Variants in GREB1L observed in about 807,000 individuals in gnomAD.
GREB1L encodes GREB1 like retinoic acid receptor coactivator, also known as GREB1-like protein.
Under a neutral mutation model 200.8 loss-of-function variants are expected in GREB1L, and 17 were observed. The observed-to-expected ratio is 0.08, with a 90% CI of 0.06 to 0.13. GREB1L has a LOEUF of 0.13. GREB1L is among the 10% of genes least tolerant of loss of function. The pLI is 1.00. For missense variants in GREB1L, 1,657 were observed against 2,367.7 expected, an observed-to-expected ratio of 0.70 and a Z score of 6.23; for synonymous variants, 789 against 893.0, an observed-to-expected ratio of 0.88 and a Z score of 2.08.
Position 21,441,522 on chromosome 18 carries a change from C to T in GREB1L, c.1192C>T (p.Pro398Ser), listed in dbSNP as rs2033899979. The T allele has an allele frequency of 6.4e-7, 1 of 1,550,410 alleles. No homozygotes were observed. The highest frequency in any genetic ancestry group is 8.7e-7 in the Non-Finnish European group (1 of 1,146,474). The stretch of plus-strand genomic sequence containing the variant: ...CCTGCTGAGTAACTCAGGAGTTAGA[C>T]CAGTAATTCTGATAGGTAAGGTAAT... ...ENLLSNSGVR[P>S]VILIGYGTLP... Residue 398 changes from proline to serine, a missense_variant, in exon 10 of 33, where the codon CCA becomes TCA. This residue lies in a region of GREB1L where 289 missense variants were observed against 345.1 expected (regional missense o/e 0.84). Coordinates refer to ENST00000424526, the MANE Select transcript of GREB1L (RefSeq NM_001142966.3).
chr18:21,298,483 A>G (rs1284715269), intron 1 of GREB1L, among the ~76,000 whole-genome samples: 2 of 152,222 alleles, frequency 1.3e-5, no homozygotes, highest in African/African-American at 2.4e-5. Flanking sequence ...GACGTGGACC[A>G]TATCTTATTC....
chr18:21,317,382 C>G (rs2038887867), intron 1 of GREB1L: 1 of 152,164 alleles, frequency 6.6e-6, no homozygotes, highest in African/African-American at 2.4e-5. Context: ...GGGTAGATTA[C>G]TTGAGCCCAG....
At chr18:21,522,271 G>C (rs1036960517) in intron 32 of GREB1L, among the ~76,000 whole-genome samples, 2 of 151,872 alleles carry the variant, frequency 1.3e-5, no homozygotes, top group Non-Finnish European at 2.9e-5. Context: ...AGGAGATCGA[G>C]ACCATCCTGG....
At position 21,500,273 on chromosome 18, in the gene GREB1L, C is replaced by T. The variant is rs1305245247; in HGVS notation, c.3936C>T (p.His1312=). The change falls in exon 22 of 33, where the codon CAC becomes CAT. Residue 1312 remains histidine (H), a synonymous_variant. Transcript: ENST00000424526. ...LDPASGTRNF[H]PRRLLLTGPP... is the part of the protein sequence containing the mutation. ...CGGCCTCTGGCACCCGAAACTTCCA[C>T]CCCCGACGGCTCCTGCTGACAGGGC... 7.1e-6 allele frequency: 10 copies of T among 1,414,010 alleles called. No homozygotes were observed. The highest frequency in any genetic ancestry group is 2.0e-5 in the Admixed American group (1 of 50,794). 87.6% of individuals were successfully genotyped at this position (1,414,010 alleles called of 1,614,324 possible).
intron 4 of GREB1L, among the ~76,000 whole-genome samples, chr18:21,391,154 T>A (rs534456881): frequency 5.3e-5 from 8 of 152,358 alleles, no homozygotes; most frequent in South Asian, 4.1e-4. Flanking sequence ...ACTCACTGAC[T>A]CACCCAGAGC....
rs188153127 is a variant in GREB1L at position 21,416,906 on chromosome 18, A to C, written c.832+12912A>C. 4.6e-5 allele frequency among the ~76,000 whole-genome samples: 7 copies of C among 150,676 alleles called. No individual in the cohort carries two copies. The East Asian group carries it at 1.2e-3, about 26-fold the overall frequency. On this transcript the variant is annotated intron_variant, in intron 7 of 32. Coordinates refer to ENST00000424526, the MANE Select transcript of GREB1L (RefSeq NM_001142966.3). ...GCCAGGTGTGTTGGCAGGCATCTGT[A>C]ATCCCAGCTACTTGGGAGGCTGAGG... is the stretch of plus-strand genomic sequence containing the variant.
intron 1 of GREB1L, among the ~76,000 whole-genome samples, chr18:21,346,102 A>G (rs1193504605): frequency 6.6e-6 from 1 of 152,094 alleles, no homozygotes; most frequent in African/African-American, 2.4e-5. Context: ...GCTACTGACA[A>G]TAGGGGTGGA....
chr18:21,341,040 G>T (rs1037577742), intron 1 of GREB1L, among the ~76,000 whole-genome samples: 1 of 152,102 alleles, frequency 6.6e-6, no homozygotes, highest in African/African-American at 2.4e-5. Context: ...CAGATAACTA[G>T]CCTCAAGCTA....
chr18:21,516,456 A>G (rs2037421103), intron 29 of GREB1L, among the ~76,000 whole-genome samples, 157 bp from the exon 30 acceptor site: 1 of 152,136 alleles, frequency 6.6e-6, no homozygotes, highest in South Asian at 2.1e-4. Flanking sequence ...CCCAAATCAG[A>G]GTTTTTCCAG....
chr18:21,290,637 A>G (rs939270846), intron 1 of GREB1L, among the ~76,000 whole-genome samples: 3 of 152,160 alleles, frequency 2.0e-5, no homozygotes, highest in African/African-American at 7.2e-5. Context: ...AGCCTGGCCA[A>G]CATGGCGAAG....
chr18:21,266,090 C>G (rs1269418137), intron 1 of GREB1L, among the ~76,000 whole-genome samples: 3 of 152,176 alleles, frequency 2.0e-5, no homozygotes, highest in African/African-American at 7.2e-5. Flanking sequence ...TTTATCTTTT[C>G]TCATCTCTAC....
chr18:21,521,204 A>G (rs1272640694), intron 32 of GREB1L, among the ~76,000 whole-genome samples: 6 of 151,946 alleles, frequency 3.9e-5, no homozygotes, highest in Non-Finnish European at 5.9e-5. Flanking sequence ...CTCAAAAAAA[A>G]AGTAAATAAA....
chr18:21,301,770 C>T (rs868499292), intron 1 of GREB1L, among the ~76,000 whole-genome samples: 7 of 152,144 alleles, frequency 4.6e-5, no homozygotes, highest in African/African-American at 1.7e-4. Context: ...ATAAGAATCA[C>T]TAATCTTGAA....
chr18:21,311,593 A>G (rs1429140713), intron 1 of GREB1L, among the ~76,000 whole-genome samples: 4 of 152,176 alleles, frequency 2.6e-5, no homozygotes, highest in South Asian at 2.1e-4. Flanking sequence ...CTCCAGGTAC[A>G]TGTGCTGCTC....
Position 21,522,796 on chromosome 18 carries a change from A to G in GREB1L, c.5747A>G (p.Tyr1916Cys), listed in dbSNP as rs2037626465. The change falls in exon 33 of 33, where the codon TAC (tyrosine) becomes TGC (cysteine). Residue 1916 changes from tyrosine to cysteine, a missense_variant. Transcript: ENST00000424526. ...AACAGCAGTGATGACAAGCCTCTCT[A>G]CTTTCTTACTGGACGTCATGTATGA... The part of the protein sequence containing the change: ...TANSSDDKPL[Y>C]FLTGRHV 1 of 1,551,432 alleles carries G rather than the reference A, an allele frequency of 6.4e-7. No homozygotes were observed.
At chr18:21,346,870 C>G (rs955531869) in intron 1 of GREB1L, among the ~76,000 whole-genome samples, 7 of 152,170 alleles carry the variant, frequency 4.6e-5, no homozygotes, top group African/African-American at 1.7e-4. Flanking sequence ...GTCATCAACT[C>G]TTCCTTTTCT....
chr18:21,395,112 A>G (rs1018700357), intron 4 of GREB1L, among the ~76,000 whole-genome samples: 1 of 150,802 alleles, frequency 6.6e-6, no homozygotes, highest in African/African-American at 2.4e-5. Context: ...TCTCAAAAAA[A>G]AAAAAAAAAA....
intron 1 of GREB1L, among the ~76,000 whole-genome samples, chr18:21,314,352 G>A (rs1182860527): frequency 1.3e-5 from 2 of 152,042 alleles, no homozygotes; most frequent in Non-Finnish European, 2.9e-5. Flanking sequence ...GTGTGAAAGC[G>A]TGGAAACTTT....
intron 1 of GREB1L, among the ~76,000 whole-genome samples, chr18:21,280,673 T>A (rs2038254383): frequency 6.6e-6 from 1 of 152,196 alleles, no homozygotes; most frequent in Non-Finnish European, 1.5e-5. Flanking sequence ...TTTTCTCCCT[T>A]CAGAGCCTGT....
Sources: allele counts gnomAD v4.1 joint callset (sites outside exome capture counted in the v4.1 genomes callset), GRCh38; gene constraint gnomAD v4.1.1; regional missense constraint gnomAD v4.1.1; transcripts MANE v1.5; gene names NCBI Gene and HGNC (gene_info 2026-07-23, HGNC 2026-07-21).